The following SATL1 variants were observed in gnomAD, a reference collection of about 807,000 sequenced individuals.
The protein encoded by SATL1 is spermidine/spermine N1-acetyl transferase like 1.
A neutral mutation model predicts 51.8 loss-of-function variants in SATL1; 47 were observed. The observed-to-expected ratio is 0.91, with a 90% CI of 0.72 to 1.16. The LOEUF (loss-of-function observed/expected upper bound fraction) is 1.16, where lower values mean the gene tolerates loss of function less well. Ranked by LOEUF, SATL1 falls within the 50% of genes most tolerant of loss-of-function variation. SATL1 has a pLI of 0.00. For missense variants in SATL1, 520 were observed against 526.4 expected, an observed-to-expected ratio of 0.99 and a Z score of 0.12; for synonymous variants, 176 against 182.4, an observed-to-expected ratio of 0.97 and a Z score of 0.28.
chrX:85,120,664 A>AT (rs1254185175), intron 2 of SATL1, among the ~76,000 whole-genome samples: 5 of 112,194 alleles, frequency 4.5e-5, no homozygotes, highest in Non-Finnish European at 9.4e-5. Flanking sequence ...TTGAAACATT[A>AT]TCAAAAAGGT....
intron 1 of SATL1, among the ~76,000 whole-genome samples, chrX:85,226,183 C>T (rs1392815712): frequency 3.6e-5 from 4 of 111,181 alleles, no homozygotes; most frequent in Non-Finnish European, 7.5e-5. Context: ...CTAGAACTTA[C>T]AGTCCATCAC....
intron 2 of SATL1, among the ~76,000 whole-genome samples, chrX:85,131,096 TGTG>T (rs1255885885): frequency 8.9e-6 from 1 of 111,907 alleles, no homozygotes; most frequent in Admixed American, 9.6e-5. Flanking sequence ...ATAAGTGTGA[TGTG>T]GTGCTGAGAA....
chrX:85,173,497 CT>C (rs1046237109), intron 2 of SATL1, among the ~76,000 whole-genome samples: 8 of 108,785 alleles, frequency 7.4e-5, no homozygotes, highest in African/African-American at 2.0e-4. Flanking sequence ...CCATGGTTTT[CT>C]TTTTTTTATG....
chrX:85,239,936 AC>A (rs745558940), intron 1 of SATL1, among the ~76,000 whole-genome samples: 2 of 105,120 alleles, frequency 1.9e-5, no homozygotes, highest in East Asian at 6.1e-4. Flanking sequence ...AAAGCACAAC[AC>A]ATGCAAGAAA....
chrX:85,150,576 G>A (rs1182025744), intron 2 of SATL1, among the ~76,000 whole-genome samples: 2 of 111,048 alleles, frequency 1.8e-5, no homozygotes, highest in African/African-American at 6.5e-5. Context: ...ATAAAATACT[G>A]GCAAACTGAA....
chrX:85,181,381 C>T (rs1927199926), intron 2 of SATL1, among the ~76,000 whole-genome samples: 1 of 109,530 alleles, frequency 9.1e-6, no homozygotes, highest in African/African-American at 3.3e-5. Context: ...GATGCCTACT[C>T]CAAGAGACGT....
At chrX:85,122,036 A>G (rs566633414) in intron 2 of SATL1, among the ~76,000 whole-genome samples, 1 of 107,976 alleles carries the variant, frequency 9.3e-6, no homozygotes, top group African/African-American at 3.4e-5. Context: ...AAAAAAAAAA[A>G]CCCTCAACTC....
intron 2 of SATL1, among the ~76,000 whole-genome samples, chrX:85,131,029 T>A (rs1292110873): frequency 8.9e-6 from 1 of 112,103 alleles, no homozygotes; most frequent in Non-Finnish European, 1.9e-5. Context: ...TTGTGATTCC[T>A]TTTCTTTTAC....
chrX:85,164,288 G>A (rs1012977931), intron 2 of SATL1, among the ~76,000 whole-genome samples: 1 of 111,228 alleles, frequency 9.0e-6, no homozygotes, highest in African/African-American at 3.3e-5. Context: ...GCTAGTTGTT[G>A]CCTGATTACC....
At chrX:85,131,648 A>G (rs1285521530) in intron 2 of SATL1, among the ~76,000 whole-genome samples, 1 of 111,413 alleles carries the variant, frequency 9.0e-6, no homozygotes, top group Non-Finnish European at 1.9e-5. Flanking sequence ...GCCCATTTAC[A>G]TTTAAGGTTA....
At chrX:85,131,844 A>G (rs958332934) in intron 2 of SATL1, among the ~76,000 whole-genome samples, 9 of 111,106 alleles carry the variant, frequency 8.1e-5, no homozygotes, top group Admixed American at 6.7e-4. Context: ...GGCAGGCCTG[A>G]TGGTGACAAA....
Position 85,169,249 on chromosome X carries a change from A to G in SATL1, c.-313+54956T>C, listed in dbSNP as rs191317472. Reference sequence around the variant, plus strand: ...GACAAAGATGCCAGAACCAACTGCAACAAAAGCAAAAATTGACAAATAGGA... The same window carrying G: ...GACAAAGATGCCAGAACCAACTGCAGCAAAAGCAAAAATTGACAAATAGGA... On this transcript the variant is annotated intron_variant, in intron 2 of 7. Transcript: ENST00000644105. Among the ~76,000 whole-genome samples the G allele has an allele frequency of 8.0e-5, 9 of 112,367 alleles. No individual in the cohort carries two copies. The East Asian group carries it at 2.5e-3, about 31-fold the overall frequency.
chrX:85,215,834 G>T (rs747598036), intron 2 of SATL1, among the ~76,000 whole-genome samples: 1 of 112,342 alleles, frequency 8.9e-6, no homozygotes, highest in East Asian at 2.8e-4. Context: ...CTGTCTCCCA[G>T]TCTTCTTCTG....
At chrX:85,186,203 A>G (rs1927312079) in intron 2 of SATL1, among the ~76,000 whole-genome samples, 1 of 106,853 alleles carries the variant, frequency 9.4e-6, no homozygotes, top group Admixed American at 1.0e-4. Flanking sequence ...AAGTTGCAAG[A>G]CAAAGTCCTC....
chrX:85,137,640 T>C (rs974530346), intron 2 of SATL1, among the ~76,000 whole-genome samples: 1 of 111,743 alleles, frequency 8.9e-6, no homozygotes, highest in African/African-American at 3.3e-5. Flanking sequence ...GTATAGCGTT[T>C]TTGGTATTTA....
chrX:85,092,630 T>C, intron 7 of SATL1, 69 bp from the exon 8 acceptor site: 1 of 976,770 alleles, frequency 1.0e-6, no homozygotes, highest in Non-Finnish European at 1.4e-6. Flanking sequence ...ACATATATTT[T>C]ATTGAAGGTC....
intron 2 of SATL1, among the ~76,000 whole-genome samples, chrX:85,119,762 A>G (rs1275068420): frequency 9.0e-6 from 1 of 111,141 alleles, no homozygotes; most frequent in Admixed American, 9.7e-5. Flanking sequence ...TAGCTCCTCA[A>G]ATACTTTAAG....
chrX:85,148,033 A>G (rs1268075666), intron 2 of SATL1, among the ~76,000 whole-genome samples: 1 of 111,997 alleles, frequency 8.9e-6, no homozygotes, highest in Non-Finnish European at 1.9e-5. Flanking sequence ...TCCAAGCTAC[A>G]GGAGGAAATT....
At chrX:85,140,006 C>T (rs1011276134) in intron 2 of SATL1, among the ~76,000 whole-genome samples, 2 of 111,658 alleles carry the variant, frequency 1.8e-5, no homozygotes, top group Non-Finnish European at 3.8e-5. Flanking sequence ...CAGTCACTAT[C>T]CTCCTAAATG....
Sources: gnomAD v4.1 joint callset for allele counts (sites outside exome capture counted in the v4.1 genomes callset) on GRCh38, gnomAD v4.1.1 for gene constraint, MANE v1.5 for transcripts, NCBI Gene and HGNC (gene_info 2026-07-23, HGNC 2026-07-21) for gene names.